The following KIAA0319 variants were observed in gnomAD, a reference collection of about 807,000 sequenced individuals.
The protein encoded by KIAA0319 is KIAA0319.
In KIAA0319, 83 loss-of-function variants were observed where a neutral mutation model predicts 108.4. The ratio of observed to expected loss-of-function variants is 0.77; its 90% CI spans 0.64 to 0.92. The LOEUF (loss-of-function observed/expected upper bound fraction) is 0.92, where lower values mean the gene tolerates loss of function less well. Ranked by LOEUF, KIAA0319 falls within the 40% of genes least tolerant of loss-of-function variation. The pLI is 0.00. For synonymous variants in KIAA0319, 484 were observed against 510.4 expected (o/e 0.95, Z 0.70); for missense variants, 1,195 against 1,322.4 (o/e 0.90, Z 1.49).
rs1420256552 is a variant in KIAA0319, at chr6:24,547,274, T to C, written c.3110A>G (p.Gln1037Arg). The stretch of plus-strand genomic sequence containing the variant: ...CTTTTCTCGGCTGAAGATTGTGTCC[T>C]GGTCACTGTCAAACTCAGACTCGGA... ...MVSESEFDSD[Q>R]DTIFSREKME... is the part of the protein sequence containing the mutation. The change falls in exon 21 of 21, where the codon CAG (glutamine) becomes CGG (arginine). Residue 1037 changes from glutamine to arginine, a missense_variant. Gln to Arg is a conservative substitution (Grantham distance 43, BLOSUM62 1). Coordinates refer to ENST00000378214, the MANE Select transcript of KIAA0319 (RefSeq NM_014809.4). 1 of 1,614,206 alleles carries C rather than the reference T, an allele frequency of 6.2e-7. No individual in the cohort carries two copies. Among genetic ancestry groups the C allele is most frequent in the Non-Finnish European group, 8.5e-7 (1 of 1,180,002 alleles).
At position 24,559,062 on chromosome 6, in the gene KIAA0319, C is replaced by T; in HGVS notation, c.2685G>A (p.Lys895=). ...TGAAAAGCAAGAAGTCAGCCTTCTC[C>T]TTTGAGAGCCGCATGTGCAGATTTC... ...VARNLHMRLS[K]EKADFLLFKV... Residue 895 remains lysine (K), a synonymous_variant, in exon 17 of 21, where the codon AAG becomes AAA. Coordinates refer to ENST00000378214, the MANE Select transcript of KIAA0319 (RefSeq NM_014809.4). 2 of 1,613,504 alleles carry T rather than the reference C, an allele frequency of 1.2e-6. No homozygotes were observed. Among genetic ancestry groups the T allele is most frequent in the Non-Finnish European group, 1.7e-6 (2 of 1,179,824 alleles).
At chr6:24,591,965 T>C (rs1336523087) in intron 3 of KIAA0319, among the ~76,000 whole-genome samples, 1 of 152,228 alleles carries the variant, frequency 6.6e-6, no homozygotes, top group Non-Finnish European at 1.5e-5. Context: ...TATCCCATTT[T>C]ATGGTATATT....
In KIAA0319 at chr6:24,569,887, T is replaced by G. The variant is rs1192603580; in HGVS notation, c.1991+16A>C. 1 of 1,613,494 alleles carries G rather than the reference T, an allele frequency of 6.2e-7. No individual in the cohort carries two copies. The highest frequency in any genetic ancestry group is 8.5e-7 in the Non-Finnish European group (1 of 1,179,602). ...CAGCATGGGCATGAACCTAGCTCAG[T>G]GGCGAGACAGACTACCTGACGTGCT... On this transcript the variant is annotated intron_variant, in intron 12 of 20. Transcript: ENST00000378214.
At chr6:24,638,093 T>C (rs182477204) in intron 1 of KIAA0319, among the ~76,000 whole-genome samples, 1 of 151,944 alleles carries the variant, frequency 6.6e-6, no homozygotes, top group African/African-American at 2.4e-5. Flanking sequence ...AAAGGAGAGG[T>C]GGCAGATGAA....
intron 1 of KIAA0319, among the ~76,000 whole-genome samples, chr6:24,636,637 T>C (rs1015606179): frequency 2.0e-5 from 3 of 152,108 alleles, no homozygotes; most frequent in Non-Finnish European, 4.4e-5. Flanking sequence ...ATGAGGACAA[T>C]GACCCAAAGA....
chr6:24,553,336 C>CGT (rs1561913795), intron 19 of KIAA0319, among the ~76,000 whole-genome samples: 127 of 55,330 alleles, frequency 2.3e-3, no homozygotes, highest in Middle Eastern at 0.02. Flanking sequence ...CACACACACA[C>CGT]GCACATATAT....
At chr6:24,602,726 G>A (rs970521873) in intron 1 of KIAA0319, among the ~76,000 whole-genome samples, 4 of 152,126 alleles carry the variant, frequency 2.6e-5, no homozygotes, top group African/African-American at 7.2e-5. Flanking sequence ...GCGTGAATCC[G>A]GGAGGCGGAG....
chr6:24,634,471 T>A (rs1327607233), intron 1 of KIAA0319, among the ~76,000 whole-genome samples: 1 of 152,188 alleles, frequency 6.6e-6, no homozygotes, highest in East Asian at 1.9e-4. Context: ...ACAATGAATA[T>A]TAAAATGTAA....
chr6:24,582,313 C>A lies in KIAA0319; in HGVS notation c.1127G>T (p.Ser376Ile), dbSNP rs1361366958. 6.2e-7 allele frequency: 1 copy of A among 1,611,352 alleles called. No homozygotes were observed. The highest frequency in any genetic ancestry group is 8.5e-7 in the Non-Finnish European group (1 of 1,177,960). Residue 376 changes from serine (S) to isoleucine (I), a missense_variant, in exon 6 of 21, where the codon AGC (serine) becomes ATC (isoleucine). By Grantham distance (142) the Ser-to-Ile change is moderately radical. Transcript: ENST00000378214. ...TTYNYEWNLI[S>I]HPTDYQGEIK... ...TTCACCTTGGTAGTCTGTGGGGTGG[C>A]TTATTAAATTCCATTCATAGTTGTA...
Position 24,599,167 on chromosome 6 carries a change from A to G in KIAA0319, c.55+1882T>C. 1 of 584,954 alleles carries G rather than the reference A, an allele frequency of 1.7e-6. No homozygotes were observed. Among genetic ancestry groups the G allele is most frequent in the African/African-American group, 1.8e-5 (1 of 54,078 alleles). 36.2% of individuals were successfully genotyped at this position (584,954 alleles called of 1,614,324 possible). A position where few individuals can be genotyped will look rare whatever the true frequency, so the allele number is the denominator to read the frequency against. The stretch of plus-strand genomic sequence containing the variant: ...AAGGCCCAGTACAAGGAGATCACCA[A>G]CTGTAGCCAGGCCGGGGCTGACAGC... On this transcript the variant is annotated intron_variant, in intron 2 of 20. Transcript: ENST00000378214. The surrounding 1 kb of genome is among the most constrained non-coding windows in gnomAD (Gnocchi z 4.1).
chr6:24,563,613 C>T, intron 15 of KIAA0319, 95 bp from the exon 16 acceptor site: 1 of 1,150,842 alleles, frequency 8.7e-7, no homozygotes, highest in Non-Finnish European at 1.2e-6. Flanking sequence ...AAAGTTACTC[C>T]TATGCCATTT....
At chr6:24,639,171 G>A (rs1776596164) in intron 1 of KIAA0319, among the ~76,000 whole-genome samples, 1 of 152,198 alleles carries the variant, frequency 6.6e-6, no homozygotes, top group African/African-American at 2.4e-5. Context: ...TATCCAGAGA[G>A]TACAAGAAGT....
chr6:24,575,430 G>A lies in KIAA0319; in HGVS notation c.1734+938C>T, dbSNP rs536251241. On this transcript the variant is annotated intron_variant, in intron 10 of 20. Coordinates refer to ENST00000378214, the MANE Select transcript of KIAA0319 (RefSeq NM_014809.4). ...CATCTTCCTGTTTTGTATCCAACCCGCCTCTGAATCAGAATTCTTAACACA... is the reference window on the plus strand; with the variant it reads ...CATCTTCCTGTTTTGTATCCAACCCACCTCTGAATCAGAATTCTTAACACA... Among the ~76,000 whole-genome samples the A allele has an allele frequency of 7.9e-5, 12 of 151,856 alleles. 1 individual carries two copies. The highest frequency in any genetic ancestry group is 4.2e-4 in the South Asian group (2 of 4,752).
chr6:24,632,243 A>G (rs1775673512), intron 1 of KIAA0319, among the ~76,000 whole-genome samples: 1 of 152,194 alleles, frequency 6.6e-6, no homozygotes, highest in African/African-American at 2.4e-5. Flanking sequence ...GTCATTTATA[A>G]TAGTTCTTTG....
chr6:24,545,351 C>G lies in KIAA0319; in HGVS notation c.*1814G>C, dbSNP rs976244729. The G allele has an allele frequency of 1.3e-5, 2 of 152,202 alleles. No homozygotes were observed. Among genetic ancestry groups the G allele is most frequent in the African/African-American group, 4.8e-5 (2 of 41,438 alleles). The allele number at this position is 152,202 out of a possible 1,614,324, so 9.4% of individuals were successfully genotyped here. On this transcript the variant is annotated 3_prime_UTR_variant, in exon 21 of 21. Transcript: ENST00000378214. Reference sequence around the variant, plus strand: ...TATAAGGATCAAATGAGTATGTAAACTGCATATGTTATGTACATAAAGCGG... The same window carrying G: ...TATAAGGATCAAATGAGTATGTAAAGTGCATATGTTATGTACATAAAGCGG...
intron 16 of KIAA0319, among the ~76,000 whole-genome samples, chr6:24,561,709 ATT>A (rs560111898): frequency 1.4e-5 from 2 of 144,452 alleles, no homozygotes; most frequent in Non-Finnish European, 3.1e-5. Flanking sequence ...TGCCTGGCTA[ATT>A]TTTTTTTTTT....
intron 1 of KIAA0319, among the ~76,000 whole-genome samples, chr6:24,633,071 T>C (rs1047702426): frequency 1.3e-5 from 2 of 151,946 alleles, no homozygotes; most frequent in African/African-American, 4.8e-5. Flanking sequence ...TTCCTAGGAG[T>C]CAGATTATTG....
rs34729927 is a variant in KIAA0319, at chr6:24,547,649, T to A, written c.3041-306A>T. Among the ~76,000 whole-genome samples the A allele has an allele frequency of 4.2e-3, 635 of 152,326 alleles. 6 individuals carry two copies. Among genetic ancestry groups the A allele is most frequent in the Non-Finnish European group, 6.9e-3 (467 of 68,028 alleles). On this transcript the variant is annotated intron_variant, in intron 20 of 20. Transcript: ENST00000378214. ...GGAAGATAACAAAGCATCTACCCCA[T>A]GAGTTTATGCTGAGGATTAAGTGAA...
chr6:24,540,547 C>G (rs1368678125), downstream of KIAA0319, among the ~76,000 whole-genome samples: 4 of 152,136 alleles, frequency 2.6e-5, no homozygotes, highest in African/African-American at 9.7e-5. Flanking sequence ...TGATAATACT[C>G]TCCATGTAGG....
Sources: gnomAD v4.1 joint callset for allele counts (sites outside exome capture counted in the v4.1 genomes callset) on GRCh38, gnomAD v4.1.1 for gene constraint, Gnocchi (gnomAD v3.1) non-coding constraint, MANE v1.5 for transcripts, NCBI Gene and HGNC (gene_info 2026-07-23, HGNC 2026-07-21) for gene names.